KIAA1549: variants seen among roughly 807,000 people sequenced by gnomAD.
KIAA1549 encodes KIAA1549, also known as UPF0606 protein KIAA1549.
A neutral mutation model predicts 156.4 loss-of-function variants in KIAA1549; 70 were observed. The ratio of observed to expected loss-of-function variants is 0.45; its 90% CI spans 0.37 to 0.55. KIAA1549 has a LOEUF of 0.55. Among genes scored for constraint, KIAA1549 ranks in the 20% least tolerant of loss-of-function variants. The pLI, the probability that KIAA1549 is intolerant of heterozygous loss-of-function variation, is 0.00. For synonymous variants in KIAA1549, 1,103 were observed against 1,066.4 expected (o/e 1.03, Z -0.67); for missense variants, 2,428 against 2,540.9 (o/e 0.96, Z 0.96).
chr7:138,970,151 A>G (rs1243125212), intron 1 of KIAA1549, among the ~76,000 whole-genome samples: 1 of 152,152 alleles, frequency 6.6e-6, no homozygotes, highest in East Asian at 1.9e-4. Context: ...CCTATTAGCC[A>G]TCCCCACTTC....
chr7:138,857,900 T>A (rs539609250), intron 16 of KIAA1549, among the ~76,000 whole-genome samples: 3 of 152,302 alleles, frequency 2.0e-5, no homozygotes, highest in African/African-American at 7.2e-5. Context: ...TAATGAAGGG[T>A]TCTTGTAGGC....
intron 1 of KIAA1549, among the ~76,000 whole-genome samples, chr7:138,937,318 C>T (rs751670134): frequency 2.6e-5 from 4 of 152,188 alleles, no homozygotes; most frequent in African/African-American, 7.2e-5. Flanking sequence ...CACCACCCTA[C>T]CCCAGACTGT....
At chr7:138,914,177 G>A (rs1047492672) in intron 2 of KIAA1549, among the ~76,000 whole-genome samples, 1 of 152,024 alleles carries the variant, frequency 6.6e-6, no homozygotes, top group African/African-American at 2.4e-5. Flanking sequence ...AGACATCATC[G>A]GTCTAAATGC....
At chr7:138,897,163 G>A (rs1384784707) in intron 9 of KIAA1549, among the ~76,000 whole-genome samples, 2 of 152,168 alleles carry the variant, frequency 1.3e-5, no homozygotes, top group Non-Finnish European at 2.9e-5. Flanking sequence ...GGCTGGAGTA[G>A]GGCACGTCTC....
chr7:138,934,946 T>A (rs140591340), intron 1 of KIAA1549, among the ~76,000 whole-genome samples: 1 of 152,316 alleles, frequency 6.6e-6, no homozygotes, highest in African/African-American at 2.4e-5. Flanking sequence ...CAGAGAGGGA[T>A]AATGGGGCCA....
intron 11 of KIAA1549, 64 bp from the exon 12 acceptor site, chr7:138,879,717 T>C (rs1584725702): frequency 9.1e-7 from 1 of 1,100,502 alleles, no homozygotes; most frequent in Middle Eastern, 2.5e-4. Context: ...AAAAGTCCCA[T>C]TAATTTGTGT....
chr7:138,884,286 G>A (rs545325218), intron 10 of KIAA1549, among the ~76,000 whole-genome samples: 65 of 150,662 alleles, frequency 4.3e-4, no homozygotes, highest in Non-Finnish European at 7.8e-4. Flanking sequence ...TCATTTGTGC[G>A]CTTGCGCTTT....
chr7:138,942,232 C>T (rs1248398579), intron 1 of KIAA1549, among the ~76,000 whole-genome samples: 1 of 152,136 alleles, frequency 6.6e-6, no homozygotes, highest in East Asian at 1.9e-4. Context: ...TCCAGATTAT[C>T]ATTCTTGAGC....
intron 12 of KIAA1549, among the ~76,000 whole-genome samples, chr7:138,872,912 C>T (rs1282526079): frequency 6.6e-6 from 1 of 152,036 alleles, no homozygotes. Context: ...CCCCAACCCC[C>T]GCCAAAAAAA....
intron 12 of KIAA1549, among the ~76,000 whole-genome samples, chr7:138,878,290 G>T (rs1256736377): frequency 6.6e-6 from 1 of 151,752 alleles, no homozygotes; most frequent in Non-Finnish European, 1.5e-5. Flanking sequence ...GGCTAGGGCA[G>T]CCCCACAGGA....
At chr7:138,882,584 A>C (rs1811274560) in intron 10 of KIAA1549, among the ~76,000 whole-genome samples, 1 of 152,188 alleles carries the variant, frequency 6.6e-6, no homozygotes, top group African/African-American at 2.4e-5. Flanking sequence ...TGAGTTTTTC[A>C]ACATAAATAC....
At chr7:138,863,753 C>G (rs1810656333) in intron 15 of KIAA1549, among the ~76,000 whole-genome samples, 1 of 152,196 alleles carries the variant, frequency 6.6e-6, no homozygotes. Context: ...CGGCAGTCCC[C>G]ACTGGCGACC....
intron 10 of KIAA1549, among the ~76,000 whole-genome samples, chr7:138,890,915 G>A (rs749008375): frequency 3.9e-5 from 6 of 152,094 alleles, no homozygotes; most frequent in Non-Finnish European, 5.9e-5. Flanking sequence ...CCTGGCTTTC[G>A]GCTGTGCCCT....
intron 14 of KIAA1549, among the ~76,000 whole-genome samples, chr7:138,868,603 T>A (rs1335640016): frequency 3.3e-5 from 5 of 152,174 alleles, no homozygotes; most frequent in African/African-American, 2.4e-5. Flanking sequence ...AATTTTTGTA[T>A]CTTTAGTAGA....
In KIAA1549 at chr7:138,893,009, C is replaced by T. The variant is rs541281826; in HGVS notation, c.4032+1333G>A. Among the ~76,000 whole-genome samples the T allele has an allele frequency of 5.3e-5, 8 of 152,336 alleles. No homozygotes were observed. In the South Asian group the frequency reaches 1.2e-3, roughly 24 times the overall value. ...CCACGTTCCACTCCCTTGGTAAACA[C>T]GCTGACTGATACTTATGCTGTACTA... On this transcript the variant is annotated intron_variant, in intron 10 of 19. Transcript: ENST00000422774.
chr7:138,945,706 T>A (rs911437359), intron 1 of KIAA1549, among the ~76,000 whole-genome samples: 22 of 152,268 alleles, frequency 1.4e-4, no homozygotes, highest in Non-Finnish European at 2.9e-5. Context: ...ACACTTTTTT[T>A]ATAGGCATAT....
At chr7:138,916,662 T>C (rs1196652130) in intron 2 of KIAA1549, 86 bp downstream of exon 2, 7 of 1,547,784 alleles carry the variant, frequency 4.5e-6, no homozygotes, top group Middle Eastern at 1.8e-4. Flanking sequence ...CTCTTAACCA[T>C]GAAGCTCCAA....
Position 138,861,380 on chromosome 7 carries a change from G to C in KIAA1549, c.5006C>G (p.Pro1669Arg). ...ELGRYPALPF[P>R]ASQYIPPQPS... ...CTGGGGTGGGATGTACTGGGAGGCCGGGAAGGGAAGGGCTGGATACCTCCC... is the reference window on the plus strand; with the variant it reads ...CTGGGGTGGGATGTACTGGGAGGCCCGGAAGGGAAGGGCTGGATACCTCCC... Residue 1669 changes from proline to arginine, a missense_variant, in exon 16 of 20, where the codon CCG becomes CGG. Coordinates refer to ENST00000422774, the MANE Select transcript of KIAA1549 (RefSeq NM_001164665.2). The C allele has an allele frequency of 1.9e-6, 3 of 1,611,178 alleles. No individual in the cohort carries two copies. The highest frequency in any genetic ancestry group is 2.5e-6 in the Non-Finnish European group (3 of 1,179,130).
At chr7:138,847,819 C>T (rs1295803370) in intron 17 of KIAA1549, among the ~76,000 whole-genome samples, 1 of 152,194 alleles carries the variant, frequency 6.6e-6, no homozygotes, top group Admixed American at 6.5e-5. Flanking sequence ...ATTGAATCTA[C>T]AAATCACATG....
Sources: allele counts gnomAD v4.1 joint callset (sites outside exome capture counted in the v4.1 genomes callset), GRCh38; gene constraint gnomAD v4.1.1; transcripts MANE v1.5; gene names NCBI Gene and HGNC (gene_info 2026-07-23, HGNC 2026-07-21).